The following CSF2RA variants were observed in gnomAD, a reference collection of about 807,000 sequenced individuals.
CSF2RA encodes the protein granulocyte-macrophage colony-stimulating factor receptor subunit alpha.
CSF2RA carries 42 observed loss-of-function variants against 51.6 expected under a neutral mutation model. The ratio of observed to expected loss-of-function variants is 0.81; its 90% CI spans 0.64 to 1.05. CSF2RA has a LOEUF of 1.05. Among genes scored for constraint, CSF2RA ranks in the 50% least tolerant of loss-of-function variants. CSF2RA has a pLI of 0.00. For synonymous variants in CSF2RA, 222 were observed against 193.0 expected, an observed-to-expected ratio of 1.15 and a Z score of -1.24; for missense variants, 530 against 501.1, an observed-to-expected ratio of 1.06 and a Z score of -0.55.
At chrX:1,303,377 A>G (rs1480302029) in intron 10 of CSF2RA, 5 of 435,144 alleles carry the variant, frequency 1.1e-5, no homozygotes, top group African/African-American at 8.1e-5. Flanking sequence ...ATAGGATTAC[A>G]GGCACCCACC....
chrX:1,320,914 A>G, the CSF2RA span, among the ~76,000 whole-genome samples: 1 of 150,810 alleles, frequency 6.6e-6, no homozygotes, highest in East Asian at 2.0e-4. Context: ...ATCTCAGCTC[A>G]CTGCAACCTC....
chrX:1,282,608 C>A, intron 2 of CSF2RA, 70 bp from the exon 3 acceptor site: 2 of 1,157,310 alleles, frequency 1.7e-6, no homozygotes, highest in Non-Finnish European at 2.6e-6. Flanking sequence ...AATCACCTCC[C>A]TGGGGTCCCC....
At chrX:1,284,489 C>T (rs113383861) in intron 3 of CSF2RA, among the ~76,000 whole-genome samples, 27 of 139,568 alleles carry the variant, frequency 1.9e-4, no homozygotes, top group African/African-American at 7.2e-4. Flanking sequence ...AGTGCAGTGG[C>T]GCGATCTCGG....
the CSF2RA span, among the ~76,000 whole-genome samples, chrX:1,320,512 T>TC: frequency 2.0e-5 from 3 of 151,440 alleles, no homozygotes; most frequent in Admixed American, 1.3e-4. Flanking sequence ...TTTTTTTTTT[T>TC]TCCGAGACGG....
chrX:1,324,331 G>GA, the CSF2RA span, among the ~76,000 whole-genome samples: 1 of 114,868 alleles, frequency 8.7e-6, no homozygotes, highest in African/African-American at 4.2e-5. Flanking sequence ...CTGTCTCTAA[G>GA]AAAAAGGAAG....
chrX:1,274,783 C>G lies in CSF2RA; in HGVS notation c.-62C>G, dbSNP rs1271333499. On this transcript the variant is annotated 5_prime_UTR_variant, in exon 2 of 13. Transcript: ENST00000381529. ...ACAGCAGGAAAATCCGTGGAGACAG[C>G]AGATCCGAGAAGCGGCGATGTTTGC... The G allele has an allele frequency of 1.8e-5, 8 of 453,344 alleles. No homozygotes were observed. The highest frequency in any genetic ancestry group is 3.1e-5 in the Non-Finnish European group (7 of 226,698). 28.1% of individuals were successfully genotyped at this position (453,344 alleles called of 1,614,324 possible).
the CSF2RA span, among the ~76,000 whole-genome samples, chrX:1,324,229 C>T: frequency 1.3e-5 from 2 of 150,430 alleles, no homozygotes; most frequent in Non-Finnish European, 3.0e-5. Flanking sequence ...AGGGGTGATT[C>T]ACGCCTGTAA....
intron 2 of CSF2RA, among the ~76,000 whole-genome samples, chrX:1,278,282 A>C (rs112472925): frequency 1.4e-5 from 2 of 140,476 alleles, no homozygotes; most frequent in Non-Finnish European, 3.1e-5. Flanking sequence ...GCAGTGAGCC[A>C]AGATGGCACC....
At chrX:1,282,584 G>A (rs2090176762) in intron 2 of CSF2RA, 94 bp from the exon 3 acceptor site, 2 of 894,650 alleles carry the variant, frequency 2.2e-6, no homozygotes, top group Non-Finnish European at 1.9e-6. Context: ...CACCATCCTG[G>A]GTTTGTTTCC....
intron 3 of CSF2RA, among the ~76,000 whole-genome samples, chrX:1,284,367 T>G (rs1462220996): frequency 2.0e-5 from 3 of 148,244 alleles, no homozygotes; most frequent in Non-Finnish European, 4.4e-5. Flanking sequence ...CATGCCAAGC[T>G]AATTTAAATT....
intron 2 of CSF2RA, among the ~76,000 whole-genome samples, chrX:1,276,060 G>C (rs1157223181): frequency 6.6e-6 from 1 of 151,642 alleles, no homozygotes; most frequent in Non-Finnish European, 1.5e-5. Context: ...GAGTGCAGTG[G>C]AGCGATCTCA....
chrX:1,286,006 C>G, intron 4 of CSF2RA, 86 bp downstream of exon 4: 2 of 1,562,702 alleles, frequency 1.3e-6, no homozygotes, highest in Non-Finnish European at 1.8e-6. Flanking sequence ...GGCGCGGCGG[C>G]TCACGCCTGT....
chrX:1,273,960 C>T (rs1232454765), intron 1 of CSF2RA, among the ~76,000 whole-genome samples: 2 of 151,846 alleles, frequency 1.3e-5, no homozygotes, highest in Admixed American at 1.3e-4. Flanking sequence ...GGTAAAATAT[C>T]ATGATTTCCC....
intron 1 of CSF2RA, among the ~76,000 whole-genome samples, chrX:1,269,193 G>C (rs1180626126): frequency 2.5e-4 from 38 of 152,146 alleles, no homozygotes; most frequent in African/African-American, 8.9e-4. Context: ...GGGAATTCTC[G>C]TTGGTTTACA....
intron 2 of CSF2RA, chrX:1,281,827 T>C (rs2090102510): frequency 6.8e-6 from 1 of 147,806 alleles, no homozygotes; most frequent in African/African-American, 2.5e-5. Context: ...CACCCTTTTT[T>C]TCTTCCTCTT....
At chrX:1,275,977 G>A (rs1343984475) in intron 2 of CSF2RA, among the ~76,000 whole-genome samples, 2 of 151,842 alleles carry the variant, frequency 1.3e-5, no homozygotes, top group Non-Finnish European at 2.9e-5. Context: ...ACAGGCGTAA[G>A]CCACAGCGTC....
rs59502193 is a variant in CSF2RA at position 1,275,088 on chromosome X, C to CAAAA, written c.-27+284_-27+287dup. 3.4e-5 allele frequency among the ~76,000 whole-genome samples: 4 copies of CAAAA among 118,414 alleles called. No homozygotes were observed. In the East Asian group the frequency reaches 7.6e-4, roughly 23 times the overall value. The allele number at this position is 118,414 out of a possible 152,430, so 77.7% of individuals were successfully genotyped here. ...AGGCAGAAGAGACGCATGAACCTGT[C>CAAAA]AAAAAAAAAAAAAAAAAGAGCCGGC... On this transcript the variant is annotated intron_variant, in intron 2 of 12. Coordinates refer to ENST00000381529, the MANE Select transcript of CSF2RA (RefSeq NM_172245.4).
At chrX:1,290,199 TTTG>T (rs1338839616) in intron 6 of CSF2RA, 135 bp from the exon 7 acceptor site, 3 of 718,520 alleles carry the variant, frequency 4.2e-6, no homozygotes, top group Non-Finnish European at 7.1e-6. Flanking sequence ...GTGGGTTTTT[TTTG>T]TTTTGTGTTT....
chrX:1,281,006 CCTT>C (rs2089926572), intron 2 of CSF2RA, among the ~76,000 whole-genome samples: 1 of 28,134 alleles, frequency 3.6e-5, no homozygotes, highest in Non-Finnish European at 6.4e-5. Flanking sequence ...TCCTCCTCCT[CCTT>C]CTCCTCCTCC....
Sources: gnomAD v4.1 joint callset for allele counts (sites outside exome capture counted in the v4.1 genomes callset) on GRCh38, gnomAD v4.1.1 for gene constraint, MANE v1.5 for transcripts, NCBI Gene and HGNC (gene_info 2026-07-23, HGNC 2026-07-21) for gene names.